CPPED1: variants seen among roughly 807,000 people sequenced by gnomAD.
CPPED1 encodes the protein serine/threonine-protein phosphatase CPPED1.
A neutral mutation model predicts 28.0 loss-of-function variants in CPPED1; 28 were observed. The ratio of observed to expected loss-of-function variants is 1.00; its 90% CI spans 0.74 to 1.37. The LOEUF is 1.37. Among genes scored for constraint, CPPED1 ranks in the 40% most tolerant of loss-of-function variants. The probability of loss-of-function intolerance (pLI) is 0.00; values close to 1 mark genes in which losing one functional copy is unlikely to be tolerated. For missense variants in CPPED1, 504 were observed against 416.5 expected (o/e 1.21, Z -1.83); for synonymous variants, 198 against 180.2 (o/e 1.10, Z -0.79).
chr16:12,698,736 T>C (rs756646363), intron 3 of CPPED1, among the ~76,000 whole-genome samples: 33 of 152,190 alleles, frequency 2.2e-4, no homozygotes, highest in Non-Finnish European at 4.0e-4. Flanking sequence ...TGCCAAAACT[T>C]TGAAATCTTA....
intron 2 of CPPED1, among the ~76,000 whole-genome samples, chr16:12,705,278 T>C (rs558178678): frequency 6.6e-6 from 1 of 152,212 alleles, no homozygotes; most frequent in African/African-American, 2.4e-5. Context: ...CATGACTACA[T>C]GGCCCCCTGC....
intron 2 of CPPED1, chr16:12,759,205 GA>G (rs1374681480): frequency 1.4e-5 from 2 of 145,534 alleles, no homozygotes; most frequent in African/African-American, 5.1e-5. Flanking sequence ...AAAAGTGCTA[GA>G]GAACCAGATT....
Position 12,670,850 on chromosome 16 carries a change from TA to T in CPPED1, c.716-5736del, listed in dbSNP as rs2079849532. ...GTTTTTATTTTTTTAATTATTTATT[TA>T]TTTTTAATATATTTTTTGAGGTGGA... On this transcript the variant is annotated intron_variant, in intron 3 of 3. Transcript: ENST00000381774. This position sits in a 1 kb window ranked among gnomAD's most constrained non-coding sequence, Gnocchi z 4.2. Among the ~76,000 whole-genome samples, 1 of 152,204 alleles carries T rather than the reference TA, an allele frequency of 6.6e-6. No individual in the cohort carries two copies. The highest frequency in any genetic ancestry group is 1.5e-5 in the Non-Finnish European group (1 of 68,036).
At position 12,661,578 on chromosome 16, in the gene CPPED1, GT is replaced by G. The variant is rs1473651473; in HGVS notation, c.*3307del. 1.3e-5 allele frequency: 2 copies of G among 152,146 alleles called. No individual in the cohort carries two copies. The highest frequency in any genetic ancestry group is 2.9e-5 in the Non-Finnish European group (2 of 67,994). 9.4% of individuals were successfully genotyped at this position (152,146 alleles called of 1,614,324 possible). A position where few individuals can be genotyped will look rare whatever the true frequency, so the allele number is the denominator to read the frequency against. On this transcript the variant is annotated 3_prime_UTR_variant, in exon 4 of 4. Coordinates refer to ENST00000381774, the MANE Select transcript of CPPED1 (RefSeq NM_018340.3). ...CCCCGTAACATGTCCTTGTGTTTTTGTTTTTTCCTCCAATTAAAGTGATTAA... is the reference window on the plus strand; with the variant it reads ...CCCCGTAACATGTCCTTGTGTTTTTGTTTTTCCTCCAATTAAAGTGATTAA...
intron 2 of CPPED1, among the ~76,000 whole-genome samples, chr16:12,737,659 C>A (rs12596748): frequency 1.3e-5 from 2 of 151,994 alleles, no homozygotes; most frequent in Non-Finnish European, 1.5e-5. Context: ...CTTACTCTTG[C>A]CCCCCTGAAG....
Position 12,766,271 on chromosome 16 carries a change from AGAGAGG to A in CPPED1, c.289+14908_289+14913del, listed in dbSNP as rs1329281290. Among the ~76,000 whole-genome samples, 38 of 144,094 alleles carry A rather than the reference AGAGAGG, an allele frequency of 2.6e-4. 4 individuals are homozygous for A. Among genetic ancestry groups the A allele is most frequent in the African/African-American group, 8.4e-4 (30 of 35,904 alleles). 94.5% of individuals were successfully genotyped at this position (144,094 alleles called of 152,430 possible). A position where few individuals can be genotyped will look rare whatever the true frequency, so the allele number is the denominator to read the frequency against. Reference sequence around the variant, plus strand: ...TATATATATATAGAGAGAGAGAGAGAGAGAGGGAGAGAGAGAGAGAGAAAGAGAGAG... The same window carrying A: ...TATATATATATAGAGAGAGAGAGAGAGAGAGAGAGAGAGAGAAAGAGAGAG... On this transcript the variant is annotated intron_variant, in intron 2 of 3. Transcript: ENST00000381774.
chr16:12,789,362 A>C (rs1159661865), intron 1 of CPPED1, among the ~76,000 whole-genome samples: 3 of 152,144 alleles, frequency 2.0e-5, no homozygotes, highest in Non-Finnish European at 4.4e-5. Context: ...GAAATCTACA[A>C]AGGCTAAGGG....
rs1266699373 is a variant in CPPED1 at position 12,664,982 on chromosome 16, G to C, written c.849C>G (p.Val283=). 2 of 1,611,462 alleles carry C rather than the reference G, an allele frequency of 1.2e-6. No homozygotes were observed. The highest frequency in any genetic ancestry group is 1.7e-6 in the Non-Finnish European group (2 of 1,179,146). The change falls in exon 4 of 4, where the codon GTC becomes GTG. Residue 283 remains valine, a synonymous_variant. Coordinates refer to ENST00000381774, the MANE Select transcript of CPPED1 (RefSeq NM_018340.3). This position sits in a 1 kb window ranked among gnomAD's most constrained non-coding sequence, Gnocchi z 4.2. ...RDPHGLRVVV[V]TAEKIVHRYY... ...ATCGGTGAACAATTTTCTCGGCGGT[G>C]ACCACCACGACTCGGAGCCCGTGGG...
At chr16:12,763,660 T>C (rs2080422737) in intron 2 of CPPED1, among the ~76,000 whole-genome samples, 1 of 152,168 alleles carries the variant, frequency 6.6e-6, no homozygotes, top group South Asian at 2.1e-4. Flanking sequence ...AGAGATTAGA[T>C]AACTTGCCCA....
At chr16:12,795,493 C>T (rs2080622134) in intron 1 of CPPED1, among the ~76,000 whole-genome samples, 1 of 152,206 alleles carries the variant, frequency 6.6e-6, no homozygotes, top group Admixed American at 6.5e-5. Flanking sequence ...GTGCCAGCCA[C>T]CATGCTCAGC....
chr16:12,708,648 T>A (rs188189741), intron 2 of CPPED1, among the ~76,000 whole-genome samples: 231 of 152,346 alleles, frequency 1.5e-3, no homozygotes, highest in African/African-American at 5.5e-3. Flanking sequence ...AAAACCCAAG[T>A]TGAATGCCAA....
At chr16:12,672,269 A>G (rs2079856352) in intron 3 of CPPED1, among the ~76,000 whole-genome samples, 1 of 152,220 alleles carries the variant, frequency 6.6e-6, no homozygotes, top group Admixed American at 6.5e-5. Context: ...CCTTGGCCCA[A>G]AAAAACCATT....
Position 12,664,769 on chromosome 16 carries a change from A to T in CPPED1, c.*117T>A. ...CTCTGATTTATGCAAAAGGACATAA[A>T]TTCACAAACCTGCCTGGGCTATTTT... is the stretch of plus-strand genomic sequence containing the variant. On this transcript the variant is annotated 3_prime_UTR_variant, in exon 4 of 4. Coordinates refer to ENST00000381774, the MANE Select transcript of CPPED1 (RefSeq NM_018340.3). This position sits in a 1 kb window ranked among gnomAD's most constrained non-coding sequence, Gnocchi z 4.2. The T allele has an allele frequency of 6.6e-7, 1 of 1,517,408 alleles. No homozygotes were observed. Among genetic ancestry groups the T allele is most frequent in the South Asian group, 1.3e-5 (1 of 77,034 alleles). The allele number at this position is 1,517,408 out of a possible 1,614,324, so 94.0% of individuals were successfully genotyped here. A position where few individuals can be genotyped will look rare whatever the true frequency, so the allele number is the denominator to read the frequency against.
chr16:12,675,958 G>A (rs545937140), intron 3 of CPPED1, among the ~76,000 whole-genome samples: 2 of 152,356 alleles, frequency 1.3e-5, no homozygotes, highest in East Asian at 3.9e-4. Flanking sequence ...ATTCTGGCCA[G>A]GGGGCAAAGG....
intron 2 of CPPED1, among the ~76,000 whole-genome samples, chr16:12,706,861 C>G (rs1307333149): frequency 6.6e-6 from 1 of 152,194 alleles, no homozygotes; most frequent in Non-Finnish European, 1.5e-5. Context: ...GCCCATTCCA[C>G]TGGTGTCCAG....
chr16:12,792,671 ATGGGGGC>A (rs1276307126), intron 1 of CPPED1, among the ~76,000 whole-genome samples: 1 of 152,092 alleles, frequency 6.6e-6, no homozygotes, highest in Admixed American at 6.6e-5. Flanking sequence ...TAACTGAATC[ATGGGGGC>A]TGGTCTTTCC....
At chr16:12,716,717 G>A (rs1023639404) in intron 2 of CPPED1, among the ~76,000 whole-genome samples, 1 of 152,196 alleles carries the variant, frequency 6.6e-6, no homozygotes. Flanking sequence ...TCATTACAGG[G>A]CTAGAAACAT....
chr16:12,757,039 C>T (rs1238395735), intron 2 of CPPED1, among the ~76,000 whole-genome samples: 2 of 152,196 alleles, frequency 1.3e-5, no homozygotes, highest in East Asian at 1.9e-4. Flanking sequence ...TATAGCACCT[C>T]GAGGTGACCA....
At chr16:12,758,190 A>G (rs1456219158) in intron 2 of CPPED1, among the ~76,000 whole-genome samples, 2 of 152,086 alleles carry the variant, frequency 1.3e-5, no homozygotes, top group African/African-American at 4.8e-5. Context: ...TGCCACCCCC[A>G]GTGTGCCTCA....
Sources: allele counts gnomAD v4.1 joint callset (sites outside exome capture counted in the v4.1 genomes callset), GRCh38; gene constraint gnomAD v4.1.1; non-coding constraint Gnocchi (gnomAD v3.1); transcripts MANE v1.5; gene names NCBI Gene and HGNC (gene_info 2026-07-23, HGNC 2026-07-21).